The following CSMD1 variants were observed in gnomAD, a reference collection of about 807,000 sequenced individuals.
CSMD1 encodes the protein CUB and Sushi multiple domains 1, also known as CUB and sushi domain-containing protein 1.
CSMD1 carries 213 observed loss-of-function variants against 417.5 expected under a neutral mutation model. The ratio of observed to expected loss-of-function variants is 0.51; its 90% CI spans 0.46 to 0.57. CSMD1 has a LOEUF of 0.57. Among genes scored for constraint, CSMD1 ranks in the 20% least tolerant of loss-of-function variants. CSMD1 has a pLI of 0.00. For missense variants in CSMD1, 6,923 were observed against 4,529.7 expected, an observed-to-expected ratio of 1.53 and a Z score of -15.17; for synonymous variants, 2,862 against 1,736.8, an observed-to-expected ratio of 1.65 and a Z score of -16.11.
At position 4,339,665 on chromosome 8, in the gene CSMD1, T is replaced by A. The variant is rs183771397; in HGVS notation, c.415+80288A>T. Among the ~76,000 whole-genome samples the A allele has an allele frequency of 3.2e-3, 481 of 152,268 alleles. 1 individual carries two copies. Among genetic ancestry groups the A allele is most frequent in the Non-Finnish European group, 5.3e-3 (363 of 68,002 alleles). On this transcript the variant is annotated intron_variant, in intron 3 of 69. Transcript: ENST00000635120. ...ATTCATCAGATGATTCAATATGTTA[T>A]GTTTGGATGGCCAAACAGTTTCCAG...
intron 5 of CSMD1, among the ~76,000 whole-genome samples, chr8:3,980,152 G>A (rs1813741271): frequency 6.6e-6 from 1 of 152,138 alleles, no homozygotes; most frequent in Non-Finnish European, 1.5e-5. Flanking sequence ...ACGGTTTATA[G>A]AGCATTTTAT....
intron 3 of CSMD1, among the ~76,000 whole-genome samples, chr8:4,133,227 T>A (rs954256011): frequency 1.3e-5 from 2 of 152,138 alleles, no homozygotes; most frequent in African/African-American, 4.8e-5. Flanking sequence ...TGAGTCACCA[T>A]GCCCAGCTGG....
chr8:3,323,014 G>C (rs1478695414), intron 23 of CSMD1, among the ~76,000 whole-genome samples: 3 of 152,068 alleles, frequency 2.0e-5, no homozygotes, highest in Admixed American at 6.5e-5. Context: ...TCACAGTCAT[G>C]GTTTATTCCT....
chr8:3,755,605 G>T (rs907066188), intron 5 of CSMD1, among the ~76,000 whole-genome samples: 1 of 152,080 alleles, frequency 6.6e-6, no homozygotes, highest in Non-Finnish European at 1.5e-5. Context: ...CTACGAAATG[G>T]GTCACCTGTG....
intron 1 of CSMD1, among the ~76,000 whole-genome samples, chr8:4,955,829 T>A (rs897806976): frequency 4.8e-5 from 7 of 144,718 alleles, no homozygotes; most frequent in African/African-American, 1.8e-4. Flanking sequence ...AATATTTAGG[T>A]CGTAGAAATT....
rs183800486 is a variant in CSMD1 at position 3,482,602 on chromosome 8, G to T, written c.1448+11021C>A. 4.5e-4 allele frequency among the ~76,000 whole-genome samples: 69 copies of T among 152,260 alleles called. 2 individuals carry two copies. In the South Asian group the frequency reaches 6.8e-3, roughly 15 times the overall value. ...CTTTAGCACCCTTAGCAAACAGGCA[G>T]AAAATATCACAAAGGATATTCAATC... On this transcript the variant is annotated intron_variant, in intron 11 of 69. Transcript: ENST00000635120.
intron 3 of CSMD1, among the ~76,000 whole-genome samples, chr8:4,271,690 A>T (rs1205062367): frequency 1.3e-5 from 2 of 152,190 alleles, no homozygotes; most frequent in African/African-American, 4.8e-5. Context: ...ACATCACTAT[A>T]TGTATATTAA....
At chr8:3,280,079 C>G (rs919134786) in intron 26 of CSMD1, among the ~76,000 whole-genome samples, 5 of 152,228 alleles carry the variant, frequency 3.3e-5, no homozygotes, top group South Asian at 2.1e-4. Flanking sequence ...CCCGGGGTAC[C>G]TGAAGAGAGA....
chr8:4,523,415 A>T (rs1585199617), intron 2 of CSMD1, among the ~76,000 whole-genome samples: 1 of 152,200 alleles, frequency 6.6e-6, no homozygotes. Context: ...CTACTTTTGT[A>T]TTAAGTACAC....
In CSMD1 at chr8:4,625,560, T is replaced by G. The variant is rs144543098; in HGVS notation, c.302+11782A>C. Among the ~76,000 whole-genome samples, 24 of 152,058 alleles carry G rather than the reference T, an allele frequency of 1.6e-4. No homozygotes were observed. In the East Asian group the frequency reaches 4.3e-3, roughly 27 times the overall value. Reference sequence around the variant, plus strand: ...TCTCTAGTCCAAAGTAGGACTTCCCTGCCTCCCCTGGCTCTCCTGTATACA... The same window carrying G: ...TCTCTAGTCCAAAGTAGGACTTCCCGGCCTCCCCTGGCTCTCCTGTATACA... On this transcript the variant is annotated intron_variant, in intron 2 of 69. Transcript: ENST00000635120.
At chr8:3,750,089 C>G (rs563935556) in intron 6 of CSMD1, among the ~76,000 whole-genome samples, 2 of 152,044 alleles carry the variant, frequency 1.3e-5, no homozygotes, top group Admixed American at 1.3e-4. Context: ...GTTTTAGTTG[C>G]TTTGGGCTGG....
chr8:4,077,535 C>G (rs367753014), intron 3 of CSMD1, among the ~76,000 whole-genome samples: 10 of 152,004 alleles, frequency 6.6e-5, no homozygotes, highest in African/African-American at 1.2e-4. Context: ...ACTGAAGTCA[C>G]TCTGGTCAAA....
chr8:4,906,692 G>A (rs972544931), intron 1 of CSMD1, among the ~76,000 whole-genome samples: 5 of 152,066 alleles, frequency 3.3e-5, no homozygotes, highest in Admixed American at 3.3e-4. Context: ...GAGTAGCTGG[G>A]ACTACAGGCG....
At chr8:4,358,067 C>G (rs373433152) in intron 3 of CSMD1, among the ~76,000 whole-genome samples, 1 of 152,066 alleles carries the variant, frequency 6.6e-6, no homozygotes, top group Non-Finnish European at 1.5e-5. Context: ...TGTATACTTA[C>G]GTATATATGT....
intron 5 of CSMD1, among the ~76,000 whole-genome samples, chr8:3,912,114 T>G (rs1243168339): frequency 4.6e-5 from 7 of 152,186 alleles, no homozygotes; most frequent in African/African-American, 1.7e-4. Context: ...CTTGTCCAAT[T>G]CTGAGACTGA....
intron 1 of CSMD1, among the ~76,000 whole-genome samples, chr8:4,885,114 C>G (rs1218408479): frequency 6.6e-6 from 1 of 151,940 alleles, no homozygotes; most frequent in Non-Finnish European, 1.5e-5. Flanking sequence ...GAATGGTATT[C>G]TTAATTTTAT....
chr8:3,385,898 C>G lies in CSMD1; in HGVS notation c.2782+1596G>C, dbSNP rs556809275. Reference sequence around the variant, plus strand: ...GTATGCATAGTCCATGTTGCAGATTCACATATGAGAGGAAAAAAAAAGCAC... The same window carrying G: ...GTATGCATAGTCCATGTTGCAGATTGACATATGAGAGGAAAAAAAAAGCAC... On this transcript the variant is annotated intron_variant, in intron 18 of 69. Coordinates refer to ENST00000635120, the MANE Select transcript of CSMD1 (RefSeq NM_033225.6). 3.3e-5 allele frequency among the ~76,000 whole-genome samples: 5 copies of G among 151,822 alleles called. No homozygotes were observed. The East Asian group carries it at 7.8e-4, about 24-fold the overall frequency.
At position 4,799,082 on chromosome 8, in the gene CSMD1, C is replaced by T. The variant is rs138535245; in HGVS notation, c.86-161524G>A. 1.1e-3 allele frequency among the ~76,000 whole-genome samples: 160 copies of T among 152,270 alleles called. 1 individual carries two copies. The highest frequency in any genetic ancestry group is 3.4e-3 in the Middle Eastern group (1 of 294). The stretch of plus-strand genomic sequence containing the variant: ...GAGGTCAGGGCTTGCATTGGCCGAC[C>T]CTGCGCATCTTTCCTTCCGGGCCAT... On this transcript the variant is annotated intron_variant, in intron 1 of 69. Transcript: ENST00000635120.
intron 42 of CSMD1, among the ~76,000 whole-genome samples, chr8:3,115,266 A>G (rs1448576228): frequency 1.6e-5 from 2 of 124,454 alleles, no homozygotes; most frequent in East Asian, 2.4e-4. Context: ...CAATGGCGCT[A>G]TCTTGGCTCA....
Sources: gnomAD v4.1 joint callset for allele counts (sites outside exome capture counted in the v4.1 genomes callset) on GRCh38, gnomAD v4.1.1 for gene constraint, MANE v1.5 for transcripts, NCBI Gene and HGNC (gene_info 2026-07-23, HGNC 2026-07-21) for gene names.